Variants in EXOC6B observed in about 807,000 individuals in gnomAD.
The protein encoded by EXOC6B is SEC15 homolog B.
EXOC6B carries 54 observed loss-of-function variants against 113.5 expected under a neutral mutation model. The observed-to-expected ratio is 0.48, with a 90% CI of 0.38 to 0.60. EXOC6B has a LOEUF of 0.60. Ranked by LOEUF, EXOC6B falls within the 20% of genes least tolerant of loss-of-function variation. EXOC6B has a pLI of 0.00. For synonymous variants in EXOC6B, 357 were observed against 339.0 expected (o/e 1.05, Z -0.58); for missense variants, 797 against 977.5 (o/e 0.82, Z 2.46).
At chr2:72,427,396 C>T (rs1231676062) in intron 18 of EXOC6B, among the ~76,000 whole-genome samples, 2 of 152,204 alleles carry the variant, frequency 1.3e-5, no homozygotes, top group African/African-American at 2.4e-5. Flanking sequence ...AAGGCCTCCA[C>T]TGCCCCCGCA....
intron 18 of EXOC6B, among the ~76,000 whole-genome samples, chr2:72,383,990 C>T (rs1483734390): frequency 6.6e-6 from 1 of 151,884 alleles, no homozygotes; most frequent in Non-Finnish European, 1.5e-5. Flanking sequence ...GATGCTAGGG[C>T]CTGCTTGAGG....
intron 18 of EXOC6B, among the ~76,000 whole-genome samples, chr2:72,414,131 A>C (rs1482460476): frequency 6.6e-6 from 1 of 152,220 alleles, no homozygotes; most frequent in Non-Finnish European, 1.5e-5. Flanking sequence ...TTTATATTTT[A>C]GCTTTAATTC....
intron 8 of EXOC6B, among the ~76,000 whole-genome samples, chr2:72,546,930 G>A (rs1479973649): frequency 6.6e-6 from 1 of 152,244 alleles, no homozygotes; most frequent in Non-Finnish European, 1.5e-5. Context: ...GCAAAGGTCT[G>A]TAGTCAATAG....
chr2:72,389,842 G>A (rs534945816), intron 18 of EXOC6B, among the ~76,000 whole-genome samples: 1 of 152,126 alleles, frequency 6.6e-6, no homozygotes, highest in African/African-American at 2.4e-5. Context: ...TCAGCAAGTT[G>A]TTTTAATCAA....
intron 18 of EXOC6B, among the ~76,000 whole-genome samples, chr2:72,406,381 C>A (rs572587765): frequency 2.6e-4 from 39 of 152,208 alleles, no homozygotes; most frequent in African/African-American, 9.2e-4. Flanking sequence ...ACTCTCCACC[C>A]CAAATCAACA....
At chr2:72,293,156 T>C (rs1336018147) in intron 20 of EXOC6B, among the ~76,000 whole-genome samples, 1 of 152,168 alleles carries the variant, frequency 6.6e-6, no homozygotes, top group Non-Finnish European at 1.5e-5. Context: ...CCACCAGCAC[T>C]GTATAAATGA....
intron 6 of EXOC6B, among the ~76,000 whole-genome samples, chr2:72,717,493 A>G (rs1174719712): frequency 6.6e-6 from 1 of 152,132 alleles, no homozygotes; most frequent in African/African-American, 2.4e-5. Flanking sequence ...AACATTACTG[A>G]CCTTTCATTC....
At chr2:72,467,139 C>T (rs139073753) in intron 17 of EXOC6B, among the ~76,000 whole-genome samples, 214 of 152,280 alleles carry the variant, frequency 1.4e-3, no homozygotes, top group Admixed American at 2.4e-3. Context: ...CATGAGGTTT[C>T]CATGCTGTTG....
chr2:72,664,895 C>G (rs897791113), intron 6 of EXOC6B, among the ~76,000 whole-genome samples: 1 of 152,228 alleles, frequency 6.6e-6, no homozygotes, highest in Admixed American at 6.5e-5. Flanking sequence ...GTGCCCATCC[C>G]AGAGGGGCCA....
chr2:72,460,782 T>C lies in EXOC6B; in HGVS notation c.1980+4378A>G, dbSNP rs557410022. 2.0e-5 allele frequency among the ~76,000 whole-genome samples: 3 copies of C among 152,134 alleles called. No individual in the cohort carries two copies. In the South Asian group the frequency reaches 6.2e-4, roughly 32 times the overall value. On this transcript the variant is annotated intron_variant, in intron 18 of 21. Transcript: ENST00000272427. ...GTGGGACTGTAAACTAGTTCAACCA[T>C]TGTGGCAGTCAGTGTGGTGATTCCT...
intron 18 of EXOC6B, among the ~76,000 whole-genome samples, chr2:72,393,108 T>C (rs946900888): frequency 6.6e-6 from 1 of 151,956 alleles, no homozygotes; most frequent in African/African-American, 2.4e-5. Flanking sequence ...GGTTCTTTTT[T>C]TTTTTGAGAC....
At chr2:72,675,440 A>G (rs1223461118) in intron 6 of EXOC6B, among the ~76,000 whole-genome samples, 1 of 152,216 alleles carries the variant, frequency 6.6e-6, no homozygotes, top group Admixed American at 6.5e-5. Flanking sequence ...AGCTCATAAG[A>G]TCCCCTGACG....
intron 11 of EXOC6B, among the ~76,000 whole-genome samples, chr2:72,508,039 G>T (rs1700690326): frequency 6.7e-6 from 1 of 148,646 alleles, no homozygotes; most frequent in African/African-American, 2.5e-5. Context: ...TAAAATTAGA[G>T]AATTCAGTGA....
intron 21 of EXOC6B, among the ~76,000 whole-genome samples, chr2:72,181,875 A>C (rs1377732569): frequency 1.3e-5 from 2 of 152,212 alleles, no homozygotes; most frequent in Non-Finnish European, 2.9e-5. Context: ...CTTCCATCCC[A>C]TTCTGAAAGC....
At chr2:72,811,777 T>C (rs1685938501) in intron 1 of EXOC6B, among the ~76,000 whole-genome samples, 1 of 152,138 alleles carries the variant, frequency 6.6e-6, no homozygotes, top group African/African-American at 2.4e-5. Context: ...AAAACAGATT[T>C]CACCAGACTA....
At chr2:72,801,467 A>G (rs1404174172) in intron 1 of EXOC6B, among the ~76,000 whole-genome samples, 2 of 152,182 alleles carry the variant, frequency 1.3e-5, no homozygotes, top group Non-Finnish European at 2.9e-5. Flanking sequence ...AAGTTTCAGT[A>G]TATTTTTAGT....
At chr2:72,804,443 C>T (rs1685464686) in intron 1 of EXOC6B, among the ~76,000 whole-genome samples, 1 of 152,006 alleles carries the variant, frequency 6.6e-6, no homozygotes, top group Admixed American at 6.6e-5. Flanking sequence ...GATAAAATGT[C>T]ATTTAAAAAT....
chr2:72,361,890 A>G (rs1690337663), intron 19 of EXOC6B, among the ~76,000 whole-genome samples: 1 of 152,194 alleles, frequency 6.6e-6, no homozygotes, highest in African/African-American at 2.4e-5. Flanking sequence ...TTCTCCAGGG[A>G]TGATGTGATC....
At chr2:72,336,401 C>G (rs1688690663) in intron 19 of EXOC6B, among the ~76,000 whole-genome samples, 1 of 152,116 alleles carries the variant, frequency 6.6e-6, no homozygotes, top group Admixed American at 6.6e-5. Context: ...CATAGCATTT[C>G]ATAAAACCCT....
Sources: gnomAD v4.1 joint callset for allele counts (sites outside exome capture counted in the v4.1 genomes callset) on GRCh38, gnomAD v4.1.1 for gene constraint, MANE v1.5 for transcripts, NCBI Gene and HGNC (gene_info 2026-07-23, HGNC 2026-07-21) for gene names.